SCN10A: variants seen among roughly 807,000 people sequenced by gnomAD.
SCN10A encodes the protein sodium channel protein type 10 subunit alpha.
In SCN10A, 162 loss-of-function variants were observed where a neutral mutation model predicts 170.7. The ratio of observed to expected loss-of-function variants is 0.95; its 90% CI spans 0.84 to 1.08. The LOEUF (loss-of-function observed/expected upper bound fraction) is 1.08, where lower values mean the gene tolerates loss of function less well. SCN10A is among the 50% of genes least tolerant of loss of function. The pLI is 0.00. For synonymous variants in SCN10A, 985 were observed against 904.6 expected (o/e 1.09, Z -1.59); for missense variants, 2,527 against 2,436.9 (o/e 1.04, Z -0.78).
intron 6 of SCN10A, among the ~76,000 whole-genome samples, chr3:38,762,769 G>A (rs2063889578): frequency 6.6e-6 from 1 of 152,152 alleles, no homozygotes; most frequent in South Asian, 2.1e-4. Flanking sequence ...GACAAGAAAT[G>A]GTAGAAAAGA....
intron 4 of SCN10A, among the ~76,000 whole-genome samples, chr3:38,786,780 C>A (rs1330070712): frequency 6.6e-6 from 1 of 152,060 alleles, no homozygotes; most frequent in African/African-American, 2.4e-5. Context: ...TGAAGACCGC[C>A]TTTTCCCTGC....
At chr3:38,791,947 T>C in intron 3 of SCN10A, 103 bp downstream of exon 3, 1 of 1,440,218 alleles carries the variant, frequency 6.9e-7, no homozygotes, top group Non-Finnish European at 9.4e-7. Flanking sequence ...CTTTTGGGAT[T>C]CAATTGGATA....
chr3:38,707,369 G>A lies in SCN10A; in HGVS notation c.4296C>T (p.Asp1432=), dbSNP rs1404410408. Reference sequence around the variant, plus strand: ...TCTTCTGCTCCTCTGTCATGAAGATGTCCTGGCCCCCTAAGTGCAGAGAGG... The same window carrying A: ...TCTTCTGCTCCTCTGTCATGAAGATATCCTGGCCCCCTAAGTGCAGAGAGG... ...NQQKKKLGGQ[D]IFMTEEQKKY... The change falls in exon 26 of 28, where the codon GAC becomes GAT. Residue 1432 remains aspartate, a synonymous_variant. Transcript: ENST00000449082. The A allele has an allele frequency of 2.5e-6, 4 of 1,614,010 alleles. No individual in the cohort carries two copies. The highest frequency in any genetic ancestry group is 1.1e-5 in the South Asian group (1 of 91,084).
intron 1 of SCN10A, among the ~76,000 whole-genome samples, chr3:38,800,764 G>A (rs1323692449): frequency 2.0e-5 from 3 of 152,048 alleles, no homozygotes; most frequent in Admixed American, 6.6e-5. Flanking sequence ...GTGGAATTTG[G>A]TTATTTCTGA....
At chr3:38,708,284 T>C (rs1158408217) in intron 25 of SCN10A, among the ~76,000 whole-genome samples, 6 of 152,062 alleles carry the variant, frequency 3.9e-5, no homozygotes, top group Admixed American at 3.3e-4. Flanking sequence ...TGACCAAGGA[T>C]TCAGTAGATG....
chr3:38,756,927 A>T lies in SCN10A; in HGVS notation c.1093-56T>A, dbSNP rs1375623220. 91 of 1,608,718 alleles carry T rather than the reference A, an allele frequency of 5.7e-5. 2 individuals are homozygous for T. In the South Asian group the frequency reaches 9.8e-4, roughly 17 times the overall value. On this transcript the variant is annotated intron_variant, in intron 9 of 27. Transcript: ENST00000449082. ...GTACCCATAGCACATGGACCCCTGA[A>T]TTTAAGTCAGCCTCCTCCAGGAAAA...
rs774760378 is a variant in SCN10A, at chr3:38,697,985, A to G, written c.5235T>C (p.Tyr1745=). Residue 1745 remains tyrosine, a synonymous_variant, in exon 28 of 28, where the codon TAT becomes TAC. Coordinates refer to ENST00000449082, the MANE Select transcript of SCN10A (RefSeq NM_006514.4). ...CTGGGTCAAACTTCTCCCAGGTCTC[A>G]TAGAACATGTCAAAGTCGTCCTCAC... The part of the protein sequence containing the change: ...PLSEDDFDMF[Y]ETWEKFDPEA... 2.5e-6 allele frequency: 4 copies of G among 1,614,126 alleles called. No individual in the cohort carries two copies. The Admixed American group carries it at 6.7e-5, about 27-fold the overall frequency.
chr3:38,746,370 T>G (rs1457375179), intron 13 of SCN10A, among the ~76,000 whole-genome samples: 1 of 151,874 alleles, frequency 6.6e-6, no homozygotes. Context: ...AGCTCTCATA[T>G]CCTTCCATTT....
chr3:38,744,829 C>G (rs2063670264), intron 13 of SCN10A, among the ~76,000 whole-genome samples: 1 of 152,124 alleles, frequency 6.6e-6, no homozygotes, highest in Admixed American at 6.5e-5. Flanking sequence ...CATTTATGTT[C>G]ATGTGTTTTC....
chr3:38,697,606 C>T lies in SCN10A; in HGVS notation c.5614G>A (p.Ala1872Thr). The T allele has an allele frequency of 1.9e-6, 3 of 1,614,164 alleles. No homozygotes were observed. The highest frequency in any genetic ancestry group is 1.1e-5 in the South Asian group (1 of 91,080). ...GGCACACATGGGGTGTTAGAGAGTG[C>T]CATGGAGCGGTGCAGCACATAGCTC... ...YRSYVLHRSMALSNTPCVPRA... is the reference protein window; with the variant it reads ...YRSYVLHRSMTLSNTPCVPRA... The change falls in exon 28 of 28, where the codon GCA becomes ACA. Residue 1872 changes from alanine to threonine, a missense_variant. By Grantham distance (58) the Ala-to-Thr change is moderately conservative. Coordinates refer to ENST00000449082, the MANE Select transcript of SCN10A (RefSeq NM_006514.4).
chr3:38,762,083 G>C (rs530569146), intron 6 of SCN10A, among the ~76,000 whole-genome samples: 6 of 152,194 alleles, frequency 3.9e-5, no homozygotes, highest in Non-Finnish European at 7.3e-5. Context: ...GGGATGATTT[G>C]TTGCTCTGGT....
At chr3:38,772,499 C>T (rs1215042288) in intron 4 of SCN10A, among the ~76,000 whole-genome samples, 1 of 152,042 alleles carries the variant, frequency 6.6e-6, no homozygotes, top group Non-Finnish European at 1.5e-5. Context: ...ACCATCCTGG[C>T]TAACGCGGTG....
intron 15 of SCN10A, among the ~76,000 whole-genome samples, chr3:38,731,115 T>C (rs1388373752): frequency 6.6e-6 from 1 of 152,148 alleles, no homozygotes; most frequent in East Asian, 1.9e-4. Flanking sequence ...TTAAAAAGCA[T>C]CCAGAAAGGA....
In SCN10A at chr3:38,696,868, G is replaced by T. The variant is rs188856233; in HGVS notation, c.*481C>A. 39 of 168,682 alleles carry T rather than the reference G, an allele frequency of 2.3e-4. No individual in the cohort carries two copies. Among genetic ancestry groups the T allele is most frequent in the Admixed American group, 1.7e-3 (31 of 18,468 alleles). 10.4% of individuals were successfully genotyped at this position (168,682 alleles called of 1,614,324 possible). A position where few individuals can be genotyped will look rare whatever the true frequency, so the allele number is the denominator to read the frequency against. On this transcript the variant is annotated 3_prime_UTR_variant, in exon 28 of 28. Transcript: ENST00000449082. ...AGGCTTTTCATGACATAGGCCACAG[G>T]TGTTACCCTGGGTCAGAGCAGTTGT... is the stretch of plus-strand genomic sequence containing the variant.
intron 26 of SCN10A, among the ~76,000 whole-genome samples, chr3:38,703,851 T>C (rs2063182605): frequency 6.6e-6 from 1 of 152,212 alleles, no homozygotes; most frequent in Non-Finnish European, 1.5e-5. Context: ...CTGTAAACTG[T>C]AAGAGTAGGA....
intron 14 of SCN10A, among the ~76,000 whole-genome samples, chr3:38,740,302 C>A (rs1241196743): frequency 6.6e-6 from 1 of 152,210 alleles, no homozygotes. Context: ...AATTCTGACA[C>A]TGAGAGAGGT....
intron 5 of SCN10A, among the ~76,000 whole-genome samples, chr3:38,765,496 G>C (rs769406266): frequency 6.6e-6 from 1 of 151,986 alleles, no homozygotes; most frequent in Non-Finnish European, 1.5e-5. Context: ...GTTTTTGTTT[G>C]CTTTTTCAAA....
chr3:38,707,520 G>A, intron 25 of SCN10A, 137 bp from the exon 26 acceptor site: 1 of 843,952 alleles, frequency 1.2e-6, no homozygotes, highest in Non-Finnish European at 1.9e-6. Context: ...CAGCATCAAG[G>A]AGTGTCTTGC....
intron 27 of SCN10A, among the ~76,000 whole-genome samples, chr3:38,699,908 A>C (rs1459133778): frequency 6.6e-6 from 1 of 152,090 alleles, no homozygotes; most frequent in Admixed American, 6.5e-5. Flanking sequence ...TTTTCTGCTT[A>C]TTTTCCAGCT....
Sources: allele counts gnomAD v4.1 joint callset (sites outside exome capture counted in the v4.1 genomes callset), GRCh38; gene constraint gnomAD v4.1.1; transcripts MANE v1.5; gene names NCBI Gene and HGNC (gene_info 2026-07-23, HGNC 2026-07-21).